The following GRID1 variants were observed in gnomAD, a reference collection of about 807,000 sequenced individuals.
The protein encoded by GRID1 is glutamate ionotropic receptor delta type subunit 1, also known as glutamate receptor ionotropic, delta-1.
GRID1 carries 28 observed loss-of-function variants against 98.0 expected under a neutral mutation model. The observed-to-expected ratio is 0.29, with a 90% confidence interval of 0.21 to 0.39. The LOEUF is 0.39. Among genes scored for constraint, GRID1 ranks in the 10% least tolerant of loss-of-function variants. The probability of loss-of-function intolerance (pLI) is 1.00; values close to 1 mark genes in which losing one functional copy is unlikely to be tolerated. For synonymous variants in GRID1, 553 were observed against 538.5 expected (o/e 1.03, Z -0.37); for missense variants, 1,111 against 1,340.5 (o/e 0.83, Z 2.67).
chr10:85,998,612 T>A (rs1249694792), intron 4 of GRID1, among the ~76,000 whole-genome samples: 1 of 152,104 alleles, frequency 6.6e-6, no homozygotes, highest in East Asian at 1.9e-4. Context: ...TTTTATTAAC[T>A]CCATAACAGG....
chr10:85,720,778 TA>T (rs1841692522), intron 12 of GRID1, among the ~76,000 whole-genome samples: 1 of 151,766 alleles, frequency 6.6e-6, no homozygotes, highest in Admixed American at 6.6e-5. Context: ...CAGTAAAAAA[TA>T]AAAGTAGAAA....
chr10:85,656,505 A>C lies in GRID1; in HGVS notation c.1998-9108T>G, dbSNP rs142910767. Among the ~76,000 whole-genome samples the C allele has an allele frequency of 2.4e-3, 369 of 152,262 alleles. 2 individuals are homozygous for C. Among genetic ancestry groups the C allele is most frequent in the Middle Eastern group, 0.014 (4 of 292 alleles). On this transcript the variant is annotated intron_variant, in intron 12 of 15. Transcript: ENST00000327946. ...CTGACCTACCTCATCCACTCCTGGC[A>C]ATCACCCGTCTGACCACTTCATTTG...
intron 8 of GRID1, among the ~76,000 whole-genome samples, chr10:85,771,297 T>G (rs953434636): frequency 2.0e-5 from 3 of 152,294 alleles, no homozygotes; most frequent in African/African-American, 7.2e-5. Flanking sequence ...CCACGAGGCC[T>G]GCCCTGAAAG....
At chr10:86,220,035 C>T (rs1480224097) in intron 2 of GRID1, among the ~76,000 whole-genome samples, 1 of 152,204 alleles carries the variant, frequency 6.6e-6, no homozygotes, top group African/African-American at 2.4e-5. Context: ...CAGAGAAGAA[C>T]AAGTCATGGC....
At chr10:85,886,302 G>A (rs1350440598) in intron 5 of GRID1, among the ~76,000 whole-genome samples, 4 of 152,194 alleles carry the variant, frequency 2.6e-5, no homozygotes, top group Admixed American at 1.3e-4. Context: ...CAGGGAACCC[G>A]AAGATGCCAC....
At chr10:86,303,041 A>T (rs11201971) in intron 2 of GRID1, among the ~76,000 whole-genome samples, 1 of 152,188 alleles carries the variant, frequency 6.6e-6, no homozygotes. Context: ...CAGGTATAAG[A>T]GATATTTTGG....
chr10:86,030,090 C>T (rs1212551621), intron 4 of GRID1, among the ~76,000 whole-genome samples: 1 of 152,102 alleles, frequency 6.6e-6, no homozygotes, highest in Non-Finnish European at 1.5e-5. Context: ...TAGTTACCAA[C>T]AAAAAGGAAG....
intron 8 of GRID1, among the ~76,000 whole-genome samples, chr10:85,780,383 G>A (rs1314740629): frequency 2.0e-5 from 3 of 152,166 alleles, no homozygotes; most frequent in Non-Finnish European, 4.4e-5. Context: ...GGAGGAAGTG[G>A]GGCTGGAGTG....
chr10:85,631,474 T>C (rs1470215746), intron 13 of GRID1, among the ~76,000 whole-genome samples: 2 of 152,220 alleles, frequency 1.3e-5, no homozygotes, highest in Non-Finnish European at 2.9e-5. Context: ...AGGAATAGTT[T>C]TGTTTATTGA....
intron 2 of GRID1, among the ~76,000 whole-genome samples, chr10:86,273,588 T>G (rs1262100905): frequency 1.3e-5 from 2 of 151,848 alleles, no homozygotes; most frequent in African/African-American, 4.8e-5. Context: ...TTTCCTGACT[T>G]TTTAATGATT....
intron 4 of GRID1, among the ~76,000 whole-genome samples, chr10:85,958,269 G>A (rs970348547): frequency 6.6e-6 from 1 of 152,204 alleles, no homozygotes; most frequent in African/African-American, 2.4e-5. Flanking sequence ...AATGCCAGGG[G>A]TAAGTCACAA....
At chr10:85,801,835 G>A (rs1395106789) in intron 8 of GRID1, among the ~76,000 whole-genome samples, 1 of 151,770 alleles carries the variant, frequency 6.6e-6, no homozygotes, top group Non-Finnish European at 1.5e-5. Flanking sequence ...TTAGATATGT[G>A]AAATTAAGAG....
At chr10:86,133,449 C>T (rs553344156) in intron 4 of GRID1, among the ~76,000 whole-genome samples, 2 of 152,194 alleles carry the variant, frequency 1.3e-5, no homozygotes, top group Non-Finnish European at 2.9e-5. Context: ...CACAGCTGGG[C>T]CCAGGAACGT....
At chr10:86,210,789 G>A (rs770056347) in intron 2 of GRID1, among the ~76,000 whole-genome samples, 1 of 152,254 alleles carries the variant, frequency 6.6e-6, no homozygotes, top group South Asian at 2.1e-4. Context: ...CTGTTGAAAT[G>A]ATGGTTATTT....
chr10:86,221,387 C>T (rs1846252109), intron 2 of GRID1, among the ~76,000 whole-genome samples: 1 of 152,184 alleles, frequency 6.6e-6, no homozygotes, highest in Non-Finnish European at 1.5e-5. Context: ...AAATTGCCTC[C>T]CGGAAACCCC....
chr10:85,966,980 G>C (rs2131852469), intron 4 of GRID1, among the ~76,000 whole-genome samples: 1 of 152,348 alleles, frequency 6.6e-6, no homozygotes, highest in Middle Eastern at 3.4e-3. Context: ...GACAGGTGGA[G>C]ATAATTGACT....
At chr10:86,221,936 G>T (rs921963239) in intron 2 of GRID1, among the ~76,000 whole-genome samples, 3 of 151,716 alleles carry the variant, frequency 2.0e-5, no homozygotes, top group Admixed American at 6.6e-5. Context: ...AAGGAACAGG[G>T]GTAGGGAGGG....
chr10:85,632,947 C>G (rs1251307145), intron 13 of GRID1, among the ~76,000 whole-genome samples: 2 of 152,180 alleles, frequency 1.3e-5, no homozygotes, highest in Non-Finnish European at 2.9e-5. Context: ...CATTGTTCAG[C>G]TCCCACTTAT....
chr10:85,837,793 C>A (rs1842923907), intron 8 of GRID1, among the ~76,000 whole-genome samples: 1 of 152,160 alleles, frequency 6.6e-6, no homozygotes, highest in Admixed American at 6.5e-5. Context: ...AGCAAGGGTT[C>A]AGAACCAGAC....
Sources: allele counts gnomAD v4.1 joint callset (sites outside exome capture counted in the v4.1 genomes callset), GRCh38; gene constraint gnomAD v4.1.1; transcripts MANE v1.5; gene names NCBI Gene and HGNC (gene_info 2026-07-23, HGNC 2026-07-21).